The following AKAP9 variants were observed in gnomAD, a reference collection of about 807,000 sequenced individuals.
The protein encoded by AKAP9 is A-kinase anchor protein 9.
AKAP9 carries 311 observed loss-of-function variants against 488.5 expected under a neutral mutation model. That is an observed-to-expected ratio of 0.64 (90% CI 0.58 to 0.70). The LOEUF (loss-of-function observed/expected upper bound fraction) is 0.70. Among genes scored for constraint, AKAP9 ranks in the 30% least tolerant of loss-of-function variants. The pLI is 0.00. For synonymous variants in AKAP9, 1,462 were observed against 1,483.5 expected (o/e 0.99, Z 0.33); for missense variants, 4,215 against 4,374.5 (o/e 0.96, Z 1.03).
chr7:91,953,659 A>G (rs1416206341), intron 1 of AKAP9, among the ~76,000 whole-genome samples: 1 of 152,198 alleles, frequency 6.6e-6, no homozygotes, highest in Non-Finnish European at 1.5e-5. Flanking sequence ...GGATTAAGCT[A>G]TATAGCAGAA....
intron 3 of AKAP9, among the ~76,000 whole-genome samples, chr7:91,984,345 T>C (rs1184504886): frequency 1.3e-5 from 2 of 152,234 alleles, no homozygotes; most frequent in Non-Finnish European, 2.9e-5. Flanking sequence ...GTTTTCTGCA[T>C]ATGGCTAGCC....
At chr7:92,055,954 A>G (rs909725949) in intron 22 of AKAP9, among the ~76,000 whole-genome samples, 11 of 151,932 alleles carry the variant, frequency 7.2e-5, no homozygotes, top group Admixed American at 5.9e-4. Context: ...ATAACTACTT[A>G]CCTACAGATT....
rs545202671 is a variant in AKAP9 at position 91,973,674 on chromosome 7, T to C, written c.49-37T>C. On this transcript the variant is annotated intron_variant, in intron 1 of 49. Transcript: ENST00000356239. Reference sequence around the variant, plus strand: ...TTTCTTGGTGGCAATAAAGAAAAATTATCTTTGACAATAACGGTTATTTTC... The same window carrying C: ...TTTCTTGGTGGCAATAAAGAAAAATCATCTTTGACAATAACGGTTATTTTC... The C allele has an allele frequency of 3.1e-6, 5 of 1,603,538 alleles. No homozygotes were observed. In the South Asian group the frequency reaches 5.6e-5, roughly 18 times the overall value.
chr7:92,017,179 C>T, intron 12 of AKAP9, 77 bp downstream of exon 12: 2 of 1,089,278 alleles, frequency 1.8e-6, no homozygotes, highest in Non-Finnish European at 2.7e-6. Flanking sequence ...CTTTTATCAA[C>T]CAAGAATTTC....
At chr7:92,052,592 T>C in intron 21 of AKAP9, 134 bp from the exon 22 acceptor site, 1 of 606,580 alleles carries the variant, frequency 1.6e-6, no homozygotes, top group Non-Finnish European at 2.8e-6. Flanking sequence ...CATATTTTAT[T>C]TGTTTGGTTG....
chr7:92,031,211 T>C (rs1166109840), intron 15 of AKAP9, among the ~76,000 whole-genome samples: 1 of 152,214 alleles, frequency 6.6e-6, no homozygotes, highest in Middle Eastern at 3.2e-3. Flanking sequence ...TACACACATA[T>C]ATATTTTATT....
rs1254555386 is a variant in AKAP9, at chr7:92,102,728, G to T, written c.11232G>T (p.Gly3744=). The change falls in exon 46 of 50, where the codon GGG becomes GGT. Residue 3744 remains glycine, a synonymous_variant. Coordinates refer to ENST00000356239, the MANE Select transcript of AKAP9 (RefSeq NM_005751.5). ...CCTTGGCCCTGCTTGCCCGGATGGG[G>T]GGGCAGCCAGCTTTCACGGATCTAG... ...DATLALLARM[G]GQPAFTDLEV... The T allele has an allele frequency of 1.2e-6, 2 of 1,614,090 alleles. No homozygotes were observed.
chr7:92,103,587 T>C (rs1341570786), intron 46 of AKAP9, among the ~76,000 whole-genome samples: 1 of 150,402 alleles, frequency 6.6e-6, no homozygotes, highest in Non-Finnish European at 1.5e-5. Context: ...CCCAGCTACT[T>C]GGGAGGCTGA....
At chr7:91,946,394 G>C (rs1026375574) in intron 1 of AKAP9, among the ~76,000 whole-genome samples, 34 of 102,406 alleles carry the variant, frequency 3.3e-4, no homozygotes, top group African/African-American at 1.2e-3. Context: ...TAACCTTCAG[G>C]CTTTTTTTTT....
At chr7:91,955,595 G>A (rs780614715) in intron 1 of AKAP9, among the ~76,000 whole-genome samples, 18 of 152,188 alleles carry the variant, frequency 1.2e-4, no homozygotes, top group Admixed American at 1.2e-3. Context: ...CGTCTGCATA[G>A]TATTCCATTA....
intron 37 of AKAP9, among the ~76,000 whole-genome samples, chr7:92,086,743 A>G (rs1396646269): frequency 6.6e-6 from 1 of 152,214 alleles, no homozygotes; most frequent in Admixed American, 6.5e-5. Flanking sequence ...CCTAAGGGAA[A>G]TACAAGGTTA....
chr7:91,989,281 G>T (rs573000714), intron 3 of AKAP9, among the ~76,000 whole-genome samples: 1 of 152,072 alleles, frequency 6.6e-6, no homozygotes, highest in Admixed American at 6.6e-5. Flanking sequence ...TGGAAAATTG[G>T]TTCCATCTTA....
At position 92,097,341 on chromosome 7, in the gene AKAP9, A is replaced by G. The variant is rs1816794556; in HGVS notation, c.10382A>G (p.Tyr3461Cys). 2 of 1,613,380 alleles carry G rather than the reference A, an allele frequency of 1.2e-6. No individual in the cohort carries two copies. Among genetic ancestry groups the G allele is most frequent in the Non-Finnish European group, 8.5e-7 (1 of 1,179,822 alleles). The change falls in exon 41 of 50, where the codon TAT (tyrosine) becomes TGT (cysteine). Residue 3461 changes from tyrosine to cysteine, a missense_variant. Transcript: ENST00000356239. Reference sequence around the variant, plus strand: ...AAACGAGAAAGTAGAAGAATTCTGTATCAGAACCTTAATGAGGTAAACTGA... The same window carrying G: ...AAACGAGAAAGTAGAAGAATTCTGTGTCAGAACCTTAATGAGGTAAACTGA... ...EEKRESRRILYQNLNEPTTWS... is the reference protein window; with the variant it reads ...EEKRESRRILCQNLNEPTTWS...
chr7:92,095,686 A>G (rs1337187302), intron 40 of AKAP9, among the ~76,000 whole-genome samples: 2 of 152,186 alleles, frequency 1.3e-5, no homozygotes, highest in Non-Finnish European at 2.9e-5. Context: ...TCTGCTTTTA[A>G]TAGAGGTGTT....
At chr7:91,955,701 T>G (rs1033070412) in intron 1 of AKAP9, among the ~76,000 whole-genome samples, 1 of 152,232 alleles carries the variant, frequency 6.6e-6, no homozygotes, top group African/African-American at 2.4e-5. Context: ...TGACATGATC[T>G]TGGCTTGCTG....
chr7:91,949,561 A>G (rs1214515539), intron 1 of AKAP9, among the ~76,000 whole-genome samples: 1 of 152,196 alleles, frequency 6.6e-6, no homozygotes, highest in African/African-American at 2.4e-5. Context: ...ATCTGTAGCT[A>G]CTTCACTAGT....
rs368929850 is a variant in AKAP9, at chr7:92,002,627, A to G, written c.2710A>G (p.Arg904Gly). The G allele has an allele frequency of 6.2e-6, 10 of 1,612,388 alleles. No individual in the cohort carries two copies. The highest frequency in any genetic ancestry group is 3.3e-4 in the Middle Eastern group (2 of 6,076). The change falls in exon 8 of 50, where the codon AGA becomes GGA. Residue 904 changes from arginine (R) to glycine (G), a missense_variant. Transcript: ENST00000356239. ...ACTTAATGAAGAGCTTCATTTGCAA[A>G]GAATAAATCCAACTACAGTGAAAAT... ...KALNEELHLQRINPTTVKMKS... is the reference protein window; with the variant it reads ...KALNEELHLQGINPTTVKMKS...
chr7:92,084,853 TACAC>T lies in AKAP9; in HGVS notation c.8749_8752del (p.His2917ValfsTer6). The T allele has an allele frequency of 6.2e-7, 1 of 1,613,628 alleles. No individual in the cohort carries two copies. The highest frequency in any genetic ancestry group is 8.5e-7 in the Non-Finnish European group (1 of 1,179,728). On this transcript the variant is annotated frameshift_variant, in exon 35 of 50. Coordinates refer to ENST00000356239, the MANE Select transcript of AKAP9 (RefSeq NM_005751.5). LOFTEE classifies it high-confidence loss of function. Reference sequence around the variant, plus strand: ...CAGACTGGGGTCAGGGAATTTATCTTACACACAGTCAGGGATTTGACATAGCATC... The same window carrying T: ...CAGACTGGGGTCAGGGAATTTATCTTACAGTCAGGGATTTGACATAGCATC...
At position 92,061,261 on chromosome 7, in the gene AKAP9, T is replaced by C. The variant is rs755950995; in HGVS notation, c.5603T>C (p.Leu1868Pro). 3.1e-6 allele frequency: 5 copies of C among 1,611,958 alleles called. No homozygotes were observed. Among genetic ancestry groups the C allele is most frequent in the Non-Finnish European group, 4.2e-6 (5 of 1,178,578 alleles). The change falls in exon 23 of 50, where the codon CTT (leucine) becomes CCT (proline). Residue 1868 changes from leucine to proline, a missense_variant and splice_region_variant. By Grantham distance (98) the Leu-to-Pro change is moderately conservative (BLOSUM62 -3). Around this residue, in one of 5 missense-constraint regions of AKAP9, gnomAD observed 2,361 missense variants for 2,430.0 expected, o/e 0.97. Coordinates refer to ENST00000356239, the MANE Select transcript of AKAP9 (RefSeq NM_005751.5). ...TGTATTGTTTCCCTCTTTGTTTAGC[T>C]TGAACATGCGAAAGTGACACAGACA... ...LEAISETSSQLEHAKVTQTEL... is the reference protein window; with the variant it reads ...LEAISETSSQPEHAKVTQTEL...
Sources: gnomAD v4.1 joint callset for allele counts (sites outside exome capture counted in the v4.1 genomes callset) on GRCh38, gnomAD v4.1.1 for gene constraint, gnomAD v4.1.1 regional missense constraint, MANE v1.5 for transcripts, NCBI Gene and HGNC (gene_info 2026-07-23, HGNC 2026-07-21) for gene names.